CABCOCO1: variants seen among roughly 807,000 people sequenced by gnomAD.
The protein encoded by CABCOCO1 is ciliary associated calcium binding coiled-coil 1.
Under a neutral mutation model 35.7 loss-of-function variants are expected in CABCOCO1, and 28 were observed. The observed-to-expected ratio is 0.78, with a 90% CI of 0.58 to 1.07. The LOEUF is 1.07. Among genes scored for constraint, CABCOCO1 ranks in the 50% least tolerant of loss-of-function variants. The probability of loss-of-function intolerance (pLI) is 0.00; values close to 1 mark genes in which losing one functional copy is unlikely to be tolerated. For synonymous variants in CABCOCO1, 95 were observed against 100.1 expected, an observed-to-expected ratio of 0.95 and a Z score of 0.30; for missense variants, 326 against 309.2, an observed-to-expected ratio of 1.05 and a Z score of -0.41.
chr10:61,674,081 GATATT>G (rs1839439108), intron 2 of CABCOCO1, among the ~76,000 whole-genome samples: 1 of 152,040 alleles, frequency 6.6e-6, no homozygotes, highest in African/African-American at 2.4e-5. Flanking sequence ...CCAAGTAAAA[GATATT>G]ATATTAAATA....
chr10:61,755,375 A>T (rs1841878003), intron 5 of CABCOCO1, among the ~76,000 whole-genome samples: 1 of 152,150 alleles, frequency 6.6e-6, no homozygotes, highest in East Asian at 1.9e-4. Flanking sequence ...GGGGGGGAAA[A>T]TAGTTAAAAC....
In CABCOCO1 at chr10:61,713,300, C is replaced by T. The variant is rs574563663; in HGVS notation, c.552+22679C>T. On this transcript the variant is annotated intron_variant, in intron 5 of 7. Transcript: ENST00000648843. Reference sequence around the variant, plus strand: ...ATGGGAGTTCACTCATGATTTGGCTCTCTGTTTGTCTGTTATTCGTGTATA... The same window carrying T: ...ATGGGAGTTCACTCATGATTTGGCTTTCTGTTTGTCTGTTATTCGTGTATA... Among the ~76,000 whole-genome samples the T allele has an allele frequency of 7.2e-5, 11 of 152,208 alleles. No individual in the cohort carries two copies. The South Asian group carries it at 2.3e-3, about 32-fold the overall frequency.
intron 2 of CABCOCO1, among the ~76,000 whole-genome samples, chr10:61,677,811 G>GTTTTTTTTTTTTT (rs35492889): frequency 1.5e-4 from 9 of 60,322 alleles, no homozygotes; most frequent in East Asian, 5.4e-4. Context: ...TTTTTTGGGT[G>GTTTTTTTTTTTTT]TTTTTTTTTT....
At chr10:61,706,995 C>T (rs1046870609) in intron 5 of CABCOCO1, among the ~76,000 whole-genome samples, 2 of 152,124 alleles carry the variant, frequency 1.3e-5, no homozygotes, top group African/African-American at 4.8e-5. Flanking sequence ...AAACCCTCCT[C>T]AATGACCCAT....
intron 5 of CABCOCO1, among the ~76,000 whole-genome samples, chr10:61,708,818 A>G (rs952178203): frequency 2.7e-4 from 41 of 152,302 alleles, no homozygotes; most frequent in African/African-American, 9.9e-4. Context: ...ATAACAGTTT[A>G]AATACCTACA....
At chr10:61,740,393 C>T (rs1841523907) in intron 5 of CABCOCO1, among the ~76,000 whole-genome samples, 1 of 152,090 alleles carries the variant, frequency 6.6e-6, no homozygotes. Flanking sequence ...GGAGGAGAAA[C>T]CAGGTTTGAA....
At chr10:61,742,262 T>C (rs1172118069) in intron 5 of CABCOCO1, among the ~76,000 whole-genome samples, 1 of 152,102 alleles carries the variant, frequency 6.6e-6, no homozygotes, top group Non-Finnish European at 1.5e-5. Context: ...GCTTGTCATG[T>C]TTTCTCCATG....
chr10:61,748,793 C>G (rs1841719374), intron 5 of CABCOCO1, among the ~76,000 whole-genome samples: 1 of 152,170 alleles, frequency 6.6e-6, no homozygotes, highest in Non-Finnish European at 1.5e-5. Context: ...GCAGAAGCAG[C>G]ACTCTAGGCC....
At chr10:61,676,386 G>A (rs1157346430) in intron 2 of CABCOCO1, among the ~76,000 whole-genome samples, 1 of 152,054 alleles carries the variant, frequency 6.6e-6, no homozygotes, top group Non-Finnish European at 1.5e-5. Flanking sequence ...ATCCAATATG[G>A]TAATAATAGA....
chr10:61,763,749 G>A (rs896304536), intron 7 of CABCOCO1, among the ~76,000 whole-genome samples: 1 of 149,786 alleles, frequency 6.7e-6, no homozygotes, highest in Admixed American at 6.7e-5. Flanking sequence ...TCATCTCAAA[G>A]AAGTGGTCAA....
intron 5 of CABCOCO1, among the ~76,000 whole-genome samples, chr10:61,751,050 C>CA (rs1841771193): frequency 6.6e-6 from 1 of 152,032 alleles, no homozygotes; most frequent in South Asian, 2.1e-4. Flanking sequence ...AGAAACTTCA[C>CA]AGAGTTGATT....
chr10:61,698,880 C>A (rs1271485311), intron 5 of CABCOCO1, among the ~76,000 whole-genome samples: 1 of 152,086 alleles, frequency 6.6e-6, no homozygotes, highest in Admixed American at 6.6e-5. Context: ...AACAGCATTG[C>A]ACATTAGATC....
chr10:61,668,597 C>T (rs1000262644), intron 1 of CABCOCO1, among the ~76,000 whole-genome samples: 6 of 151,874 alleles, frequency 4.0e-5, no homozygotes, highest in Non-Finnish European at 8.8e-5. Context: ...TAATGTATTG[C>T]CCCTGAATGT....
rs116586383 is a variant in CABCOCO1 at position 61,718,140 on chromosome 10, G to T, written c.552+27519G>T. On this transcript the variant is annotated intron_variant, in intron 5 of 7. Coordinates refer to ENST00000648843, the MANE Select transcript of CABCOCO1 (RefSeq NM_001366906.2). ...CTTTACTGAGTTTTAACATAGGAAA[G>T]TTCCTCCCAAAGCGTAGTTGGAATG... 4.0e-3 allele frequency among the ~76,000 whole-genome samples: 603 copies of T among 152,254 alleles called. 3 individuals carry two copies. The highest frequency in any genetic ancestry group is 0.014 in the African/African-American group (580 of 41,544).
At chr10:61,685,406 G>A (rs1839924989) in intron 3 of CABCOCO1, 3 of 151,974 alleles carry the variant, frequency 2.0e-5, no homozygotes, top group Admixed American at 2.0e-4. Flanking sequence ...CTTTTATTCT[G>A]AGACTGTAGA....
chr10:61,705,534 G>A (rs11814989), intron 5 of CABCOCO1, among the ~76,000 whole-genome samples: 34 of 152,130 alleles, frequency 2.2e-4, no homozygotes, highest in Non-Finnish European at 4.0e-4. Flanking sequence ...TCAGAGCCTA[G>A]CAAGAGAAAC....
At chr10:61,733,073 C>T (rs776994241) in intron 5 of CABCOCO1, among the ~76,000 whole-genome samples, 2 of 151,936 alleles carry the variant, frequency 1.3e-5, no homozygotes, top group Non-Finnish European at 2.9e-5. Flanking sequence ...GCTAGATGTA[C>T]CATTGCAAGT....
At chr10:61,680,230 T>C (rs761854831) in intron 2 of CABCOCO1, among the ~76,000 whole-genome samples, 2 of 150,030 alleles carry the variant, frequency 1.3e-5, no homozygotes, top group Non-Finnish European at 3.0e-5. Context: ...AAGAATCGCT[T>C]GAACTGGAGA....
chr10:61,740,098 A>C (rs969377970), intron 5 of CABCOCO1, among the ~76,000 whole-genome samples: 2 of 152,252 alleles, frequency 1.3e-5, no homozygotes, highest in Non-Finnish European at 2.9e-5. Flanking sequence ...CCAATTTTTC[A>C]TAATAATAAT....
Sources: allele counts gnomAD v4.1 joint callset (sites outside exome capture counted in the v4.1 genomes callset), GRCh38; gene constraint gnomAD v4.1.1; transcripts MANE v1.5; gene names NCBI Gene and HGNC (gene_info 2026-07-23, HGNC 2026-07-21).